LDLRAP1: variants seen among roughly 807,000 people sequenced by gnomAD.
The protein encoded by LDLRAP1 is low density lipoprotein receptor adaptor protein 1.
LDLRAP1 carries 30 observed loss-of-function variants against 37.8 expected under a neutral mutation model. The observed-to-expected ratio is 0.79, with a 90% CI of 0.59 to 1.08. The LOEUF is 1.08. Among genes scored for constraint, LDLRAP1 ranks in the 50% least tolerant of loss-of-function variants. LDLRAP1 has a pLI of 0.00. For synonymous variants in LDLRAP1, 156 were observed against 169.8 expected (o/e 0.92, Z 0.63); for missense variants, 375 against 401.6 (o/e 0.93, Z 0.57).
intron 1 of LDLRAP1, among the ~76,000 whole-genome samples, chr1:25,546,903 G>A (rs184964416): frequency 1.3e-5 from 2 of 152,034 alleles, no homozygotes; most frequent in Non-Finnish European, 2.9e-5. Context: ...AATTCTTCCA[G>A]TGTGGCCCAG....
At chr1:25,549,705 G>C (rs1450718774) in intron 1 of LDLRAP1, among the ~76,000 whole-genome samples, 2 of 152,184 alleles carry the variant, frequency 1.3e-5, no homozygotes, top group Non-Finnish European at 2.9e-5. Flanking sequence ...GAAGCCGTGG[G>C]CTCCTCCCGG....
the LDLRAP1 span, among the ~76,000 whole-genome samples, chr1:25,575,213 C>T: frequency 6.6e-6 from 1 of 152,082 alleles, no homozygotes; most frequent in African/African-American, 2.4e-5. Flanking sequence ...ATCTCTAAAC[C>T]TGGGGGCCTC....
chr1:25,546,300 T>C (rs1161704678), intron 1 of LDLRAP1, among the ~76,000 whole-genome samples: 1 of 152,174 alleles, frequency 6.6e-6, no homozygotes. Flanking sequence ...GACCTGCTCC[T>C]CCTCCTCAAG....
At chr1:25,557,404 C>T (rs1223120111) in intron 4 of LDLRAP1, 137 bp downstream of exon 4, 1 of 706,054 alleles carries the variant, frequency 1.4e-6, no homozygotes, top group South Asian at 1.7e-5. Context: ...TCTGGGAACC[C>T]CAAGTGGGTG....
intron 8 of LDLRAP1, among the ~76,000 whole-genome samples, chr1:25,565,467 A>AATCT: frequency 6.6e-6 from 1 of 152,154 alleles, no homozygotes; most frequent in South Asian, 2.1e-4. Context: ...GCTCTGCCGC[A>AATCT]GTCTGAGGTG....
At chr1:25,557,018 T>C in intron 3 of LDLRAP1, 135 bp from the exon 4 acceptor site, 1 of 743,250 alleles carries the variant, frequency 1.3e-6, no homozygotes, top group Non-Finnish European at 2.4e-6. Context: ...AGGCCAAGGC[T>C]GGATTCCCAG....
the LDLRAP1 span, among the ~76,000 whole-genome samples, chr1:25,585,917 T>C: frequency 0.12 from 19,019 of 152,220 alleles, 2,731 homozygotes; most frequent in African/African-American, 0.32. Flanking sequence ...GCTGTGTGAC[T>C]CTCGGTCAGA....
chr1:25,563,066 G>A lies in LDLRAP1; in HGVS notation c.533-4G>A, dbSNP rs2044382793. On this transcript the variant is annotated splice_polypyrimidine_tract_variant and splice_region_variant and intron_variant, in intron 5 of 8. Transcript: ENST00000374338. ...CTCCAACATGTTGTGCCTTGGTCCTGCAGAGAAAGAGAAGAGGGACAAAGC... is the reference window on the plus strand; with the variant it reads ...CTCCAACATGTTGTGCCTTGGTCCTACAGAGAAAGAGAAGAGGGACAAAGC... 6 of 1,613,842 alleles carry A rather than the reference G, an allele frequency of 3.7e-6. No homozygotes were observed. The highest frequency in any genetic ancestry group is 1.7e-5 in the Admixed American group (1 of 60,010).
In LDLRAP1 at chr1:25,544,164, G is replaced by A. The variant is rs1360984489; in HGVS notation, c.88+378G>A. Among the ~76,000 whole-genome samples the A allele has an allele frequency of 6.6e-6, 1 of 152,148 alleles. No homozygotes were observed. The highest frequency in any genetic ancestry group is 1.5e-5 in the Non-Finnish European group (1 of 67,986). On this transcript the variant is annotated intron_variant, in intron 1 of 8. Transcript: ENST00000374338. The surrounding 1 kb of genome is among the most constrained non-coding windows in gnomAD (Gnocchi z 4.8). ...CGCTCGTCGTCGGTGCCTAGGGGAG[G>A]AGGAGAGGGCGCAGGGGCTTGGGAA...
chr1:25,554,001 G>T lies in LDLRAP1; in HGVS notation c.168G>T (p.Thr56=). The T allele has an allele frequency of 1.2e-6, 2 of 1,614,110 alleles. No individual in the cohort carries two copies. Among genetic ancestry groups the T allele is most frequent in the Non-Finnish European group, 1.7e-6 (2 of 1,180,024 alleles). Residue 56 remains threonine, a synonymous_variant, in exon 2 of 9, where the codon ACG becomes ACT. Transcript: ENST00000374338. The surrounding 1 kb of genome is among the most constrained non-coding windows in gnomAD (Gnocchi z 5.4). ...TCAGCCTCAAGTACCTGGGCATGACGCTAGTGGAGCAGCCCAAGGGTGAGG... is the reference window on the plus strand; with the variant it reads ...TCAGCCTCAAGTACCTGGGCATGACTCTAGTGGAGCAGCCCAAGGGTGAGG... ...MLFSLKYLGM[T]LVEQPKGEEL...
the LDLRAP1 span, among the ~76,000 whole-genome samples, chr1:25,574,775 G>A: frequency 1.3e-5 from 2 of 152,202 alleles, no homozygotes; most frequent in African/African-American, 4.8e-5. Flanking sequence ...TGCCAGGAGC[G>A]TGTAGACCTG....
chr1:25,546,929 G>A (rs939910580), intron 1 of LDLRAP1, among the ~76,000 whole-genome samples: 2 of 152,054 alleles, frequency 1.3e-5, no homozygotes, highest in Non-Finnish European at 2.9e-5. Flanking sequence ...CCAAAAGATT[G>A]GACATCTGTG....
At chr1:25,545,271 G>C (rs760810640) in intron 1 of LDLRAP1, among the ~76,000 whole-genome samples, 6 of 152,184 alleles carry the variant, frequency 3.9e-5, no homozygotes, top group African/African-American at 1.2e-4. Context: ...TTGAAGGAAG[G>C]GGGGCTGGCA....
the LDLRAP1 span, among the ~76,000 whole-genome samples, chr1:25,588,696 G>T: frequency 5.4e-3 from 825 of 152,210 alleles, 4 homozygotes; most frequent in Non-Finnish European, 8.4e-3. Context: ...GCTGAACGCC[G>T]GTCCCCTGGG....
chr1:25,578,674 A>G, the LDLRAP1 span, among the ~76,000 whole-genome samples: 22 of 152,076 alleles, frequency 1.4e-4, no homozygotes, highest in African/African-American at 4.8e-4. Context: ...ATGCCACTGC[A>G]CCTGGCTAAT....
At chr1:25,586,526 A>G in the LDLRAP1 span, among the ~76,000 whole-genome samples, 3 of 150,794 alleles carry the variant, frequency 2.0e-5, no homozygotes, top group African/African-American at 7.3e-5. The surrounding 1 kb of genome is among the most constrained non-coding windows in gnomAD (Gnocchi z 4.3). Context: ...GTGTGCCTAC[A>G]TGTGTGTGCG....
downstream of LDLRAP1, among the ~76,000 whole-genome samples, chr1:25,569,747 AAC>A (rs1479129877): frequency 6.6e-6 from 1 of 152,198 alleles, no homozygotes; most frequent in Non-Finnish European, 1.5e-5. Flanking sequence ...ACCATATTGC[AAC>A]GGTTGTGCTG....
chr1:25,558,782 G>A (rs1013429932), intron 4 of LDLRAP1, among the ~76,000 whole-genome samples: 2 of 152,142 alleles, frequency 1.3e-5, no homozygotes, highest in African/African-American at 2.4e-5. Flanking sequence ...ACTCACTTCT[G>A]TAAAGCCCGT....
At chr1:25,582,834 G>A in the LDLRAP1 span, among the ~76,000 whole-genome samples, 3 of 152,144 alleles carry the variant, frequency 2.0e-5, no homozygotes, top group East Asian at 1.9e-4. Flanking sequence ...CACTTTGGGA[G>A]GCCGAGGTGG....
Sources: allele counts gnomAD v4.1 joint callset (sites outside exome capture counted in the v4.1 genomes callset), GRCh38; gene constraint gnomAD v4.1.1; non-coding constraint Gnocchi (gnomAD v3.1); transcripts MANE v1.5; gene names NCBI Gene and HGNC (gene_info 2026-07-23, HGNC 2026-07-21).